The following MET variants were observed in gnomAD, a reference collection of about 807,000 sequenced individuals.
The protein encoded by MET is MET proto-oncogene, receptor tyrosine kinase.
In MET, 48 loss-of-function variants were observed where a neutral mutation model predicts 133.1. That is an observed-to-expected ratio of 0.36 (90% CI 0.29 to 0.46). The LOEUF is 0.46. MET is among the 20% of genes least tolerant of loss of function. The pLI is 1.00. For missense variants in MET, 1,442 were observed against 1,695.9 expected (o/e 0.85, Z 2.63); for synonymous variants, 628 against 616.5 (o/e 1.02, Z -0.28).
chr7:116,740,658 T>A (rs1457473351), intron 4 of MET, among the ~76,000 whole-genome samples, 194 bp from the exon 5 acceptor site: 2 of 152,226 alleles, frequency 1.3e-5, no homozygotes, highest in Admixed American at 6.5e-5. Flanking sequence ...ACATACCTGC[T>A]AACAATAAAG....
At chr7:116,679,881 T>C (rs930144218) in intron 1 of MET, among the ~76,000 whole-genome samples, 8 of 152,234 alleles carry the variant, frequency 5.3e-5, no homozygotes, top group Non-Finnish European at 1.0e-4. Flanking sequence ...GAATGGCTGC[T>C]TTGGAGACAG....
chr7:116,784,439 T>G (rs1457881364), intron 19 of MET, among the ~76,000 whole-genome samples: 1 of 152,222 alleles, frequency 6.6e-6, no homozygotes, highest in African/African-American at 2.4e-5. Context: ...CTCACAGTTC[T>G]GCAGACTCTA....
At chr7:116,742,774 C>G (rs542251070) in intron 5 of MET, among the ~76,000 whole-genome samples, 1 of 152,174 alleles carries the variant, frequency 6.6e-6, no homozygotes, top group East Asian at 1.9e-4. Flanking sequence ...TCAAAGGTTG[C>G]GTGCTACCAT....
intron 5 of MET, among the ~76,000 whole-genome samples, chr7:116,751,849 C>T (rs1375321543): frequency 7.2e-5 from 11 of 152,056 alleles, no homozygotes; most frequent in Admixed American, 2.6e-4. Context: ...ATCACGAGGT[C>T]AGGAGATCGA....
At chr7:116,709,243 T>C (rs1171850900) in intron 2 of MET, among the ~76,000 whole-genome samples, 1 of 152,206 alleles carries the variant, frequency 6.6e-6, no homozygotes, top group African/African-American at 2.4e-5. Context: ...CTATACATAT[T>C]TAATCACACA....
At chr7:116,705,921 G>A (rs1484563123) in intron 2 of MET, among the ~76,000 whole-genome samples, 4 of 151,922 alleles carry the variant, frequency 2.6e-5, no homozygotes, top group Admixed American at 2.6e-4. Flanking sequence ...TGAGATCACT[G>A]GGCACACCCT....
intron 19 of MET, among the ~76,000 whole-genome samples, chr7:116,791,202 G>A (rs1054694333): frequency 6.6e-6 from 1 of 152,154 alleles, no homozygotes; most frequent in African/African-American, 2.4e-5. Flanking sequence ...TTTCTCTTGG[G>A]TGAATATCTA....
intron 19 of MET, 52 bp from the exon 20 acceptor site, chr7:116,795,598 TTCATA>T: frequency 6.2e-7 from 1 of 1,611,050 alleles, no homozygotes; most frequent in Non-Finnish European, 8.5e-7. Flanking sequence ...CTGATTTCCT[TTCATA>T]TATGTATGGT....
chr7:116,740,845 T>C lies in MET; in HGVS notation c.1528-7T>C, dbSNP rs2116833566. 6.2e-7 allele frequency: 1 copy of C among 1,614,006 alleles called. No individual in the cohort carries two copies. Among genetic ancestry groups the C allele is most frequent in the Non-Finnish European group, 8.5e-7 (1 of 1,180,010 alleles). On this transcript the variant is annotated splice_polypyrimidine_tract_variant and splice_region_variant and intron_variant, in intron 4 of 20. Coordinates refer to ENST00000397752, the MANE Select transcript of MET (RefSeq NM_000245.4). ...CTGGAAGCTCTTTCCACCCCTTCTC[T>C]TCACAGATCACGAAGATCCCATTGA... is the stretch of plus-strand genomic sequence containing the variant.
chr7:116,728,073 G>A (rs1256472069), intron 2 of MET, among the ~76,000 whole-genome samples: 1 of 152,184 alleles, frequency 6.6e-6, no homozygotes, highest in Admixed American at 6.5e-5. Context: ...TGCAGCAAAT[G>A]CTGGAGTGTT....
At chr7:116,682,159 T>A (rs1796384757) in intron 1 of MET, among the ~76,000 whole-genome samples, 1 of 152,186 alleles carries the variant, frequency 6.6e-6, no homozygotes, top group South Asian at 2.1e-4. Flanking sequence ...GTTCTTTAAA[T>A]CACCAGAAAA....
chr7:116,757,321 C>T, intron 6 of MET, 116 bp from the exon 7 acceptor site: 1 of 807,648 alleles, frequency 1.2e-6, no homozygotes, highest in East Asian at 2.6e-5. Context: ...TGAAACTCTG[C>T]TTGCTATTCA....
At chr7:116,710,033 T>C (rs1298815843) in intron 2 of MET, among the ~76,000 whole-genome samples, 3 of 152,144 alleles carry the variant, frequency 2.0e-5, no homozygotes, top group African/African-American at 7.2e-5. Context: ...AATGAATAAA[T>C]GTATTAGTAA....
At chr7:116,740,524 C>G (rs1428439255) in intron 4 of MET, among the ~76,000 whole-genome samples, 1 of 152,164 alleles carries the variant, frequency 6.6e-6, no homozygotes, top group Non-Finnish European at 1.5e-5. Context: ...GTTTTCCCAC[C>G]ACTTAAATTA....
At chr7:116,732,053 C>A (rs1255883868) in intron 3 of MET, among the ~76,000 whole-genome samples, 194 bp downstream of exon 3, 1 of 152,182 alleles carries the variant, frequency 6.6e-6, no homozygotes, top group East Asian at 1.9e-4. Flanking sequence ...TTATTAAGTT[C>A]TTGAAGCTTT....
chr7:116,789,822 T>C (rs987266854), intron 19 of MET, among the ~76,000 whole-genome samples: 1 of 152,244 alleles, frequency 6.6e-6, no homozygotes, highest in Non-Finnish European at 1.5e-5. Context: ...TTATTTTATT[T>C]TAAGTTCCAG....
At chr7:116,689,801 C>T (rs981798654) in intron 1 of MET, among the ~76,000 whole-genome samples, 1 of 152,110 alleles carries the variant, frequency 6.6e-6, no homozygotes, top group Non-Finnish European at 1.5e-5. Flanking sequence ...CTCAAGCAAT[C>T]GTCTGGCCTC....
chr7:116,727,109 A>G (rs1792823225), intron 2 of MET, among the ~76,000 whole-genome samples: 1 of 152,218 alleles, frequency 6.6e-6, no homozygotes, highest in Admixed American at 6.5e-5. Flanking sequence ...GCTGATTAGT[A>G]CAGAATGCGA....
At position 116,755,323 on chromosome 7, in the gene MET, G is replaced by GT. The variant is rs761404310; in HGVS notation, c.1702-25dup. On this transcript the variant is annotated intron_variant, in intron 5 of 20. Coordinates refer to ENST00000397752, the MANE Select transcript of MET (RefSeq NM_000245.4). ...TATGTGAAAAATTATAATATATTGG[G>GT]TTTTTTTAAAAGTTCTATGTTGTCC... is the stretch of plus-strand genomic sequence containing the variant. 6.1e-5 allele frequency: 98 copies of GT among 1,611,370 alleles called. 1 individual carries two copies. The South Asian group carries it at 7.0e-4, about 12-fold the overall frequency.
Sources: gnomAD v4.1 joint callset for allele counts (sites outside exome capture counted in the v4.1 genomes callset) on GRCh38, gnomAD v4.1.1 for gene constraint, MANE v1.5 for transcripts, NCBI Gene and HGNC (gene_info 2026-07-23, HGNC 2026-07-21) for gene names.